The following CFAP47 variants were observed in gnomAD, a reference collection of about 807,000 sequenced individuals.
The protein encoded by CFAP47 is cilia and flagella associated protein 47.
A neutral mutation model predicts 148.1 loss-of-function variants in CFAP47; 29 were observed. That is an observed-to-expected ratio of 0.20 (90% confidence interval 0.15 to 0.27). CFAP47 has a LOEUF of 0.27. CFAP47 is among the 10% of genes least tolerant of loss of function. The pLI is 1.00. For missense variants in CFAP47, 1,872 were observed against 1,697.5 expected (o/e 1.10, Z -1.81); for synonymous variants, 664 against 577.3 (o/e 1.15, Z -2.15).
At chrX:35,974,694 C>A (rs948131869) in intron 13 of CFAP47, among the ~76,000 whole-genome samples, 5 of 111,344 alleles carry the variant, frequency 4.5e-5, no homozygotes, top group African/African-American at 1.6e-4. Flanking sequence ...AAAGGCAGGG[C>A]AAAACTTAAA....
intron 42 of CFAP47, among the ~76,000 whole-genome samples, chrX:36,199,944 T>G (rs2146881637): frequency 8.9e-6 from 1 of 112,207 alleles, no homozygotes; most frequent in South Asian, 3.7e-4. Flanking sequence ...AAAAAAAATT[T>G]AGACTTTTCC....
At position 36,104,559 on chromosome X, in the gene CFAP47, C is replaced by A; in HGVS notation, c.5188C>A (p.Gln1730Lys). The change falls in exon 33 of 64, where the codon CAA (glutamine) becomes AAA (lysine). Residue 1730 changes from glutamine to lysine, a missense_variant. Gln to Lys is a moderately conservative substitution (Grantham distance 53). Coordinates refer to ENST00000378653, the MANE Select transcript of CFAP47 (RefSeq NM_001304548.2). ...CAATAATATGCCCCCCATATGTGTG[C>A]AAAATACACCAAAAGTCAATCCTTG... ...CSNNMPPICV[Q>K]NTPKVNPCFA... 1.0e-6 allele frequency: 1 copy of A among 999,603 alleles called. No individual in the cohort carries two copies. Among genetic ancestry groups the A allele is most frequent in the Non-Finnish European group, 1.4e-6 (1 of 713,358 alleles). 82.4% of individuals were successfully genotyped at this position (999,603 alleles called of 1,213,427 possible).
At chrX:36,315,483 T>C (rs1941426184) in intron 56 of CFAP47, among the ~76,000 whole-genome samples, 1 of 112,529 alleles carries the variant, frequency 8.9e-6, no homozygotes, top group Non-Finnish European at 1.9e-5. Context: ...TAACAGGTGA[T>C]ACACAGTTGT....
In CFAP47 at chrX:36,301,128, T is replaced by C. The variant is rs1556007756; in HGVS notation, c.7919T>C (p.Ile2640Thr). The change falls in exon 53 of 64, where the codon ATT (isoleucine) becomes ACT (threonine). Residue 2640 changes from isoleucine to threonine, a missense_variant. Ile to Thr is a moderately conservative substitution (Grantham distance 89, BLOSUM62 -1). Transcript: ENST00000378653. The stretch of plus-strand genomic sequence containing the variant: ...TTCTGGTATTTACTGAAGTTAACTA[T>C]TGAATTACCAAAACCAACCACAATG... ...EEFWYLLKLT[I>T]ELPKPTTMPE... 3 of 1,161,828 alleles carry C rather than the reference T, an allele frequency of 2.6e-6. No homozygotes were observed. The highest frequency in any genetic ancestry group is 3.3e-5 in the East Asian group (1 of 30,596).
chrX:36,234,824 C>G (rs954091355), intron 46 of CFAP47, among the ~76,000 whole-genome samples: 1 of 111,766 alleles, frequency 8.9e-6, no homozygotes, highest in East Asian at 2.8e-4. Context: ...TGTTAGTTTT[C>G]CTTCTAAGAG....
intron 33 of CFAP47, among the ~76,000 whole-genome samples, chrX:36,108,694 A>G (rs903594286): frequency 1.8e-5 from 2 of 111,087 alleles, no homozygotes; most frequent in Non-Finnish European, 3.8e-5. Flanking sequence ...TATTTTATTC[A>G]CTTCAATATC....
At position 36,381,690 on chromosome X, in the gene CFAP47, A is replaced by T. The variant is rs184229347; in HGVS notation, c.9354+2172A>T. ...TGTTTTACAAAAAGCGGTGCCACTC[A>T]AAGAGAGTACTAAATCTGCTCAACT... On this transcript the variant is annotated intron_variant, in intron 63 of 63. Transcript: ENST00000378653. Among the ~76,000 whole-genome samples the T allele has an allele frequency of 6.6e-3, 730 of 111,089 alleles. 4 individuals carry two copies. The highest frequency in any genetic ancestry group is 0.011 in the Non-Finnish European group (601 of 53,026).
chrX:36,086,629 A>G (rs891717100), intron 30 of CFAP47, among the ~76,000 whole-genome samples: 2 of 111,714 alleles, frequency 1.8e-5, no homozygotes, highest in Non-Finnish European at 3.8e-5. Flanking sequence ...CCCTAGTGAT[A>G]CTGTGTATTA....
chrX:36,216,440 C>G (rs1940159519), intron 45 of CFAP47, among the ~76,000 whole-genome samples: 1 of 111,233 alleles, frequency 9.0e-6, no homozygotes, highest in Non-Finnish European at 1.9e-5. Flanking sequence ...CTAATGAGTA[C>G]CAGTCTGATG....
chrX:36,339,799 A>C (rs2146977868), intron 57 of CFAP47, among the ~76,000 whole-genome samples: 1 of 112,285 alleles, frequency 8.9e-6, no homozygotes, highest in South Asian at 3.7e-4. Flanking sequence ...AAAACATAAA[A>C]CTTTAACTTA....
At chrX:36,303,567 A>C (rs1556008205) in intron 53 of CFAP47, among the ~76,000 whole-genome samples, 1 of 110,053 alleles carries the variant, frequency 9.1e-6, no homozygotes, top group African/African-American at 3.3e-5. Flanking sequence ...TTCCACTGTT[A>C]TATGGCCATC....
intron 45 of CFAP47, among the ~76,000 whole-genome samples, chrX:36,214,214 G>A (rs2146891109): frequency 8.9e-6 from 1 of 111,854 alleles, no homozygotes; most frequent in South Asian, 3.7e-4. Context: ...CTAAGTATTT[G>A]TGTAGCTAAA....
chrX:35,924,759 CT>C (rs1241630097), intron 1 of CFAP47, among the ~76,000 whole-genome samples: 3 of 110,557 alleles, frequency 2.7e-5, no homozygotes, highest in African/African-American at 6.6e-5. Context: ...TTATATGTTT[CT>C]TAGCTACCTG....
chrX:36,210,086 T>C (rs1304695119), intron 45 of CFAP47, among the ~76,000 whole-genome samples: 2 of 112,397 alleles, frequency 1.8e-5, no homozygotes, highest in African/African-American at 3.2e-5. Flanking sequence ...TGCCCTACTT[T>C]GTTTATCCAT....
At chrX:35,982,715 G>A (rs1443271006) in intron 15 of CFAP47, among the ~76,000 whole-genome samples, 1 of 111,320 alleles carries the variant, frequency 9.0e-6, no homozygotes, top group Admixed American at 9.6e-5. Flanking sequence ...TGAATAGGGA[G>A]TCCTTTCCCT....
At chrX:35,987,757 C>T (rs778184964) in intron 15 of CFAP47, among the ~76,000 whole-genome samples, 48 of 111,748 alleles carry the variant, frequency 4.3e-4, no homozygotes, top group African/African-American at 1.5e-3. Context: ...GAGGGAATCT[C>T]CTGGTCTGTG....
chrX:36,350,170 T>C, intron 59 of CFAP47, 38 bp downstream of exon 59: 2 of 850,863 alleles, frequency 2.4e-6, no homozygotes, highest in Non-Finnish European at 1.7e-6. Flanking sequence ...CCAGAATTCT[T>C]AGAGACCTTA....
intron 42 of CFAP47, 78 bp from the exon 43 acceptor site, chrX:36,200,301 A>G: frequency 3.5e-6 from 1 of 289,101 alleles, no homozygotes; most frequent in Non-Finnish European, 6.1e-6. Context: ...TACAGTATGC[A>G]GATTTCCCTT....
At chrX:36,140,512 A>C (rs1939120698) in intron 35 of CFAP47, among the ~76,000 whole-genome samples, 1 of 105,697 alleles carries the variant, frequency 9.5e-6, no homozygotes, top group Non-Finnish European at 1.9e-5. Flanking sequence ...TGATGAATGA[A>C]GTAATTGAAA....
Sources: gnomAD v4.1 joint callset for allele counts (sites outside exome capture counted in the v4.1 genomes callset) on GRCh38, gnomAD v4.1.1 for gene constraint, MANE v1.5 for transcripts, NCBI Gene and HGNC (gene_info 2026-07-23, HGNC 2026-07-21) for gene names.